MACROD2: variants seen among roughly 807,000 people sequenced by gnomAD.
MACROD2 encodes the protein mono-ADP ribosylhydrolase 2.
A neutral mutation model predicts 70.4 loss-of-function variants in MACROD2; 36 were observed. The ratio of observed to expected loss-of-function variants is 0.51; its 90% confidence interval spans 0.39 to 0.68. The LOEUF (loss-of-function observed/expected upper bound fraction) is 0.68. Among genes scored for constraint, MACROD2 ranks in the 30% least tolerant of loss-of-function variants. MACROD2 has a pLI of 0.00. For synonymous variants in MACROD2, 172 were observed against 178.8 expected (o/e 0.96, Z 0.30); for missense variants, 496 against 538.4 (o/e 0.92, Z 0.78).
chr20:15,360,067 G>T (rs2078334127), intron 6 of MACROD2, among the ~76,000 whole-genome samples: 2 of 151,998 alleles, frequency 1.3e-5, no homozygotes, highest in Non-Finnish European at 2.9e-5. Flanking sequence ...CTATAATTTG[G>T]CCATTTTTAG....
At chr20:15,255,138 TAAAC>T (rs1234656714) in intron 6 of MACROD2, among the ~76,000 whole-genome samples, 4 of 152,060 alleles carry the variant, frequency 2.6e-5, no homozygotes, top group Non-Finnish European at 5.9e-5. Flanking sequence ...TCTATCTTCT[TAAAC>T]AGATTATATT....
chr20:15,122,598 C>T lies in MACROD2; in HGVS notation c.419-107342C>T, dbSNP rs117190189. 2.6e-3 allele frequency among the ~76,000 whole-genome samples: 399 copies of T among 152,218 alleles called. 3 individuals carry two copies. The highest frequency in any genetic ancestry group is 0.01 in the Middle Eastern group (3 of 294). On this transcript the variant is annotated intron_variant, in intron 5 of 17. Coordinates refer to ENST00000684519, the MANE Select transcript of MACROD2 (RefSeq NM_001351661.2). ...TTAAGGTGTAATCCTCTTAGTCAAC[C>T]GAAGCTTACAGTGGCAGTGGTATTC... is the stretch of plus-strand genomic sequence containing the variant.
chr20:15,872,477 G>T (rs1164969854), intron 9 of MACROD2, among the ~76,000 whole-genome samples: 1 of 152,148 alleles, frequency 6.6e-6, no homozygotes, highest in East Asian at 1.9e-4. Context: ...GTCTCATCTT[G>T]TCACAGCCAC....
chr20:15,433,202 A>G (rs2046385012), intron 7 of MACROD2, among the ~76,000 whole-genome samples: 1 of 152,086 alleles, frequency 6.6e-6, no homozygotes, highest in East Asian at 1.9e-4. Context: ...AATTTTAGCC[A>G]GAGCAATCAG....
At chr20:14,539,435 G>C (rs773130371) in intron 4 of MACROD2, among the ~76,000 whole-genome samples, 4 of 152,166 alleles carry the variant, frequency 2.6e-5, no homozygotes, top group Non-Finnish European at 5.9e-5. Context: ...GGTAGAAGAA[G>C]GGAGAGTGTT....
chr20:15,324,213 T>A (rs1470009872), intron 6 of MACROD2, among the ~76,000 whole-genome samples: 1 of 152,168 alleles, frequency 6.6e-6, no homozygotes, highest in Non-Finnish European at 1.5e-5. Context: ...AGGGTTCAAT[T>A]TTTTACTGCT....
chr20:15,189,952 T>C (rs1185709946), intron 5 of MACROD2, among the ~76,000 whole-genome samples: 1 of 152,086 alleles, frequency 6.6e-6, no homozygotes, highest in African/African-American at 2.4e-5. Context: ...ATGAATTACC[T>C]CTCCCAATGC....
intron 8 of MACROD2, among the ~76,000 whole-genome samples, chr20:15,746,578 AAAAAG>A: frequency 6.6e-6 from 1 of 151,514 alleles, no homozygotes; most frequent in Non-Finnish European, 1.5e-5. Flanking sequence ...AAAAAAAAAA[AAAAAG>A]AAACGGTGAA....
chr20:14,712,307 C>A (rs1897874548), intron 5 of MACROD2, among the ~76,000 whole-genome samples: 1 of 152,072 alleles, frequency 6.6e-6, no homozygotes, highest in African/African-American at 2.4e-5. Context: ...TAAATTAAGG[C>A]AGAAAGCAGC....
intron 8 of MACROD2, among the ~76,000 whole-genome samples, chr20:15,702,141 T>C (rs2050469597): frequency 6.6e-6 from 1 of 152,224 alleles, no homozygotes; most frequent in Non-Finnish European, 1.5e-5. Context: ...TGCATGCATC[T>C]TTTTGGTAGA....
At position 15,780,037 on chromosome 20, in the gene MACROD2, T is replaced by C. The variant is rs769975226; in HGVS notation, c.646-82708T>C. 6.8e-4 allele frequency among the ~76,000 whole-genome samples: 101 copies of C among 148,660 alleles called. 1 individual carries two copies. The highest frequency in any genetic ancestry group is 2.1e-4 in the Non-Finnish European group (14 of 67,938). Reference sequence around the variant, plus strand: ...TACAAAATTACCTCTTTGTAAATCATATTATTAAAAAAAACACACATCTGT... The same window carrying C: ...TACAAAATTACCTCTTTGTAAATCACATTATTAAAAAAAACACACATCTGT... On this transcript the variant is annotated intron_variant, in intron 8 of 17. Transcript: ENST00000684519.
At chr20:14,723,814 A>G (rs2071497325) in intron 5 of MACROD2, among the ~76,000 whole-genome samples, 1 of 152,010 alleles carries the variant, frequency 6.6e-6, no homozygotes, top group South Asian at 2.1e-4. Context: ...TATGTGTTAA[A>G]TGGAGTTTCA....
At chr20:14,720,569 T>TTGTTTTG (rs2071455651) in intron 5 of MACROD2, among the ~76,000 whole-genome samples, 1 of 84,094 alleles carries the variant, frequency 1.2e-5, no homozygotes, top group Non-Finnish European at 2.4e-5. Flanking sequence ...TTTTTTTTTT[T>TTGTTTTG]TGTGAGGCAG....
intron 2 of MACROD2, among the ~76,000 whole-genome samples, chr20:14,058,041 A>G (rs1287454987): frequency 2.6e-5 from 4 of 152,292 alleles, no homozygotes; most frequent in Non-Finnish European, 4.4e-5. Flanking sequence ...GTTAGTGGCT[A>G]CTTTTATGGA....
intron 5 of MACROD2, among the ~76,000 whole-genome samples, chr20:15,195,051 AC>A (rs1195920204): frequency 1.3e-5 from 2 of 152,134 alleles, no homozygotes; most frequent in Admixed American, 6.6e-5. Flanking sequence ...TTTAAAGTGG[AC>A]CCCTTCTTTA....
At chr20:15,539,372 A>G (rs1359171125) in intron 8 of MACROD2, among the ~76,000 whole-genome samples, 2 of 152,232 alleles carry the variant, frequency 1.3e-5, no homozygotes, top group Non-Finnish European at 2.9e-5. Flanking sequence ...ACGCAGAATT[A>G]TCTAAGAACA....
rs60009822 is a variant in MACROD2 at position 14,213,361 on chromosome 20, CAAAAAAAAA to C, written c.271+127650_271+127658del. On this transcript the variant is annotated intron_variant, in intron 3 of 17. Coordinates refer to ENST00000684519, the MANE Select transcript of MACROD2 (RefSeq NM_001351661.2). ...ATAGTTGATTTTGAGCTTCTAGTGG[CAAAAAAAAA>C]AAAAAAAAAAAAAAAAGGCCAATTA... Among the ~76,000 whole-genome samples, 4 of 30,260 alleles carry C rather than the reference CAAAAAAAAA, an allele frequency of 1.3e-4. No homozygotes were observed. The Admixed American group carries it at 2.2e-3, about 16-fold the overall frequency. 19.9% of individuals were successfully genotyped at this position (30,260 alleles called of 152,430 possible). A position where few individuals can be genotyped will look rare whatever the true frequency, so the allele number is the denominator to read the frequency against.
intron 5 of MACROD2, among the ~76,000 whole-genome samples, chr20:14,808,773 G>A (rs7344900): frequency 0.02 from 3,012 of 149,794 alleles, 90 homozygotes; most frequent in East Asian, 0.11. Flanking sequence ...AAAAAAAAAA[G>A]CAGGGGTTGT....
intron 5 of MACROD2, among the ~76,000 whole-genome samples, chr20:15,001,534 A>C (rs1421130481): frequency 2.0e-5 from 3 of 152,074 alleles, no homozygotes; most frequent in African/African-American, 7.2e-5. Context: ...ACATATTATT[A>C]TTATTATTTT....
Sources: gnomAD v4.1 joint callset for allele counts (sites outside exome capture counted in the v4.1 genomes callset) on GRCh38, gnomAD v4.1.1 for gene constraint, MANE v1.5 for transcripts, NCBI Gene and HGNC (gene_info 2026-07-23, HGNC 2026-07-21) for gene names.